The following ESRRB variants were observed in gnomAD, a reference collection of about 807,000 sequenced individuals.
ESRRB encodes estrogen related receptor beta.
In ESRRB, 16 loss-of-function variants were observed where a neutral mutation model predicts 46.0. The observed-to-expected ratio is 0.35, with a 90% CI of 0.24 to 0.53. The LOEUF (loss-of-function observed/expected upper bound fraction) is 0.53. ESRRB is among the 20% of genes least tolerant of loss of function. ESRRB has a pLI of 0.93. For synonymous variants in ESRRB, 246 were observed against 259.6 expected, an observed-to-expected ratio of 0.95 and a Z score of 0.50; for missense variants, 488 against 607.4, an observed-to-expected ratio of 0.80 and a Z score of 2.07.
intron 1 of ESRRB, among the ~76,000 whole-genome samples, chr14:76,319,044 G>C (rs1231528211): frequency 6.6e-6 from 1 of 152,228 alleles, no homozygotes; most frequent in Non-Finnish European, 1.5e-5. Flanking sequence ...GGGCTTTGGG[G>C]TGACCTGGCC....
intron 1 of ESRRB, among the ~76,000 whole-genome samples, chr14:76,400,270 A>T (rs1885882609): frequency 6.6e-6 from 1 of 152,204 alleles, no homozygotes; most frequent in Non-Finnish European, 1.5e-5. Flanking sequence ...ATTCTGGGAA[A>T]GGTAGAGATT....
At chr14:76,395,200 C>T (rs979512467) in intron 1 of ESRRB, among the ~76,000 whole-genome samples, 5 of 152,154 alleles carry the variant, frequency 3.3e-5, no homozygotes, top group Admixed American at 6.5e-5. Flanking sequence ...CTGGTCTTCC[C>T]GGGGCCTCAT....
At chr14:76,346,174 G>C (rs1884247630) in intron 1 of ESRRB, among the ~76,000 whole-genome samples, 1 of 152,286 alleles carries the variant, frequency 6.6e-6, no homozygotes, top group South Asian at 2.1e-4. Flanking sequence ...TCACAGAGTG[G>C]ACATGGATTT....
Position 76,491,679 on chromosome 14 carries a change from G to A in ESRRB, c.1083G>A (p.Glu361=). Residue 361 remains glutamate (E), a synonymous_variant, in exon 6 of 7, where the codon GAG becomes GAA. Transcript: ENST00000644823. ...RYKKLKVEKE[E]FVTLKALALA... Reference sequence around the variant, plus strand: ...AGAAGCTCAAGGTGGAGAAGGAGGAGTTTGTGACGCTCAAGGCCCTGGCCC... The same window carrying A: ...AGAAGCTCAAGGTGGAGAAGGAGGAATTTGTGACGCTCAAGGCCCTGGCCC... 6.3e-7 allele frequency: 1 copy of A among 1,586,722 alleles called. No individual in the cohort carries two copies. Among genetic ancestry groups the A allele is most frequent in the Non-Finnish European group, 8.6e-7 (1 of 1,168,490 alleles).
chr14:76,351,024 T>C (rs1377052436), intron 1 of ESRRB, among the ~76,000 whole-genome samples: 1 of 152,140 alleles, frequency 6.6e-6, no homozygotes, highest in African/African-American at 2.4e-5. Flanking sequence ...AGGTAGAGGA[T>C]GGTGATGCTG....
intron 2 of ESRRB, among the ~76,000 whole-genome samples, chr14:76,460,055 G>A (rs1243650711): frequency 6.6e-6 from 1 of 152,200 alleles, no homozygotes; most frequent in African/African-American, 2.4e-5. Flanking sequence ...AATACAGTTA[G>A]GCACATTGAG....
At chr14:76,348,566 C>T (rs1023725234) in intron 1 of ESRRB, among the ~76,000 whole-genome samples, 2 of 152,202 alleles carry the variant, frequency 1.3e-5, no homozygotes, top group East Asian at 3.9e-4. Flanking sequence ...GAAAACAGGT[C>T]ACTCAGTCTC....
chr14:76,418,539 T>C (rs886395202), intron 1 of ESRRB, among the ~76,000 whole-genome samples: 8 of 152,248 alleles, frequency 5.3e-5, no homozygotes, highest in Non-Finnish European at 1.2e-4. Flanking sequence ...TTGTCATGTC[T>C]GTTTAGTCTC....
At chr14:76,477,548 G>A (rs971627337) in intron 3 of ESRRB, among the ~76,000 whole-genome samples, 1 of 152,196 alleles carries the variant, frequency 6.6e-6, no homozygotes, top group Non-Finnish European at 1.5e-5. Flanking sequence ...AAGCCCACTT[G>A]TCCAAGGCCA....
At chr14:76,478,006 A>T (rs139261019) in intron 3 of ESRRB, among the ~76,000 whole-genome samples, 17 of 152,328 alleles carry the variant, frequency 1.1e-4, no homozygotes, top group Non-Finnish European at 1.9e-4. Flanking sequence ...GGTAATACAT[A>T]CAGAGAGTCC....
Position 76,491,377 on chromosome 14 carries a change from C to T in ESRRB, c.851-70C>T, listed in dbSNP as rs1049939617. 50 of 1,526,592 alleles carry T rather than the reference C, an allele frequency of 3.3e-5. No individual in the cohort carries two copies. In the African/African-American group the frequency reaches 4.1e-4, roughly 13 times the overall value. 94.6% of individuals were successfully genotyped at this position (1,526,592 alleles called of 1,614,324 possible). ...CACGCCCTGCAACCTCTGCCCCCAG[C>T]GAGCCCCAGGGAGGCCCCTGGTCCG... On this transcript the variant is annotated intron_variant, in intron 5 of 6. Transcript: ENST00000644823.
chr14:76,396,981 G>A (rs773823934), intron 1 of ESRRB, among the ~76,000 whole-genome samples: 1 of 152,192 alleles, frequency 6.6e-6, no homozygotes, highest in African/African-American at 2.4e-5. Context: ...GTGTCTCTGC[G>A]GCCTCTCCTC....
At position 76,319,468 on chromosome 14, in the gene ESRRB, T is replaced by C. The variant is rs868779399; in HGVS notation, c.2+8552T>C. ...CACGTGTGCACATTAGGAAGGAGTA[T>C]TGTGGTCAGCCATCCATGACTCTTC... On this transcript the variant is annotated intron_variant, in intron 1 of 6. Coordinates refer to the ESRRB transcript ENST00000512784. 4.6e-5 allele frequency among the ~76,000 whole-genome samples: 7 copies of C among 152,170 alleles called. No homozygotes were observed. The South Asian group carries it at 1.5e-3, about 32-fold the overall frequency.
At chr14:76,332,811 ATTATATAT>A (rs1240993738) in intron 1 of ESRRB, among the ~76,000 whole-genome samples, 3 of 26,624 alleles carry the variant, frequency 1.1e-4, no homozygotes, top group African/African-American at 1.4e-4. Context: ...ATATTTATAT[ATTATATAT>A]TTATATATTT....
At chr14:76,435,357 A>G (rs2361287) in intron 1 of ESRRB, among the ~76,000 whole-genome samples, 73,221 of 152,098 alleles carry the variant, frequency 0.48, 20,349 homozygotes, top group African/African-American at 0.77. Context: ...CCTTTCTGGC[A>G]CTCTGTGCAC....
rs184717422 is a variant in ESRRB at position 76,340,410 on chromosome 14, G to C, written c.2+29494G>C. ...AGTTTTTAATGGCATTGTTGAAAGA[G>C]CCAGGAAGACCTAGGCTTGAATCCT... is the stretch of plus-strand genomic sequence containing the variant. On this transcript the variant is annotated intron_variant, in intron 1 of 6. Transcript: ENST00000512784. 3.6e-3 allele frequency among the ~76,000 whole-genome samples: 545 copies of C among 152,314 alleles called. 1 individual carries two copies. The highest frequency in any genetic ancestry group is 5.6e-3 in the Non-Finnish European group (383 of 68,022).
At chr14:76,382,005 C>A (rs1311737449) in intron 1 of ESRRB, among the ~76,000 whole-genome samples, 3 of 152,196 alleles carry the variant, frequency 2.0e-5, no homozygotes, top group Non-Finnish European at 4.4e-5. Context: ...AGGGTCCTAA[C>A]AGGACCTTTC....
At chr14:76,481,016 C>G (rs1467506622) in intron 3 of ESRRB, among the ~76,000 whole-genome samples, 1 of 152,240 alleles carries the variant, frequency 6.6e-6, no homozygotes, top group African/African-American at 2.4e-5. Context: ...GGAACGTTGT[C>G]TGAGGCTGGC....
At chr14:76,388,229 A>C (rs976714302) in intron 1 of ESRRB, among the ~76,000 whole-genome samples, 1 of 132,886 alleles carries the variant, frequency 7.5e-6, no homozygotes, top group Non-Finnish European at 1.5e-5. Context: ...CCCAGGCTGG[A>C]GTGCAGTGGC....
Sources: allele counts gnomAD v4.1 joint callset (sites outside exome capture counted in the v4.1 genomes callset), GRCh38; gene constraint gnomAD v4.1.1; transcripts MANE v1.5; gene names NCBI Gene and HGNC (gene_info 2026-07-23, HGNC 2026-07-21).